The following DCC variants were observed in gnomAD, a reference collection of about 807,000 sequenced individuals.
DCC encodes DCC netrin 1 receptor.
Under a neutral mutation model 172.5 loss-of-function variants are expected in DCC, and 58 were observed. The observed-to-expected ratio is 0.34, with a 90% CI of 0.27 to 0.42. The LOEUF (loss-of-function observed/expected upper bound fraction) is 0.42. Ranked by LOEUF, DCC falls within the 10% of genes least tolerant of loss-of-function variation. The probability of loss-of-function intolerance (pLI) is 1.00; values close to 1 mark genes in which losing one functional copy is unlikely to be tolerated. For synonymous variants in DCC, 709 were observed against 644.5 expected, an observed-to-expected ratio of 1.10 and a Z score of -1.52; for missense variants, 1,740 against 1,791.0, an observed-to-expected ratio of 0.97 and a Z score of 0.51.
intron 1 of DCC, among the ~76,000 whole-genome samples, chr18:52,407,449 A>G (rs901357644): frequency 6.6e-6 from 1 of 152,070 alleles, no homozygotes; most frequent in Non-Finnish European, 1.5e-5. Flanking sequence ...CTCAAAATAA[A>G]TTAATAACCT....
intron 2 of DCC, among the ~76,000 whole-genome samples, chr18:52,813,256 A>C (rs1393261722): frequency 2.6e-5 from 2 of 77,426 alleles, no homozygotes; most frequent in Admixed American, 1.1e-4. Flanking sequence ...ATGCCACATG[A>C]ATATGAATCC....
chr18:52,981,369 G>A (rs1177783380), intron 5 of DCC, among the ~76,000 whole-genome samples: 1 of 151,936 alleles, frequency 6.6e-6, no homozygotes, highest in Admixed American at 6.6e-5. Context: ...CTCTCTCTGA[G>A]CCTTATATTT....
chr18:53,209,323 G>A (rs1367934948), intron 11 of DCC, among the ~76,000 whole-genome samples: 2 of 152,150 alleles, frequency 1.3e-5, no homozygotes, highest in African/African-American at 2.4e-5. Context: ...TGGGGCCAAC[G>A]AAAACTCAGG....
In DCC at chr18:52,406,729, AC is replaced by A. The variant is rs529497303; in HGVS notation, c.91+65852del. On this transcript the variant is annotated intron_variant, in intron 1 of 28. Coordinates refer to ENST00000442544, the MANE Select transcript of DCC (RefSeq NM_005215.4). ...TGGAATCTTGTAAAATTAAAACAAA[AC>A]AAATGTTTTACAGTTTGGGAGGTAC... is the stretch of plus-strand genomic sequence containing the variant. Among the ~76,000 whole-genome samples the A allele has an allele frequency of 2.7e-3, 417 of 152,226 alleles. 4 individuals carry two copies. Among genetic ancestry groups the A allele is most frequent in the Non-Finnish European group, 2.6e-3 (177 of 67,996 alleles).
intron 7 of DCC, among the ~76,000 whole-genome samples, chr18:53,143,654 G>C (rs2043863897): frequency 6.6e-6 from 1 of 152,182 alleles, no homozygotes. Flanking sequence ...AGTGAGTTAG[G>C]TTTTGTAACT....
At chr18:53,118,982 A>C (rs966012084) in intron 7 of DCC, among the ~76,000 whole-genome samples, 2 of 151,850 alleles carry the variant, frequency 1.3e-5, no homozygotes, top group African/African-American at 4.8e-5. Context: ...GCCACAAATT[A>C]TTCCTCAAAC....
At chr18:52,385,443 T>C (rs528805950) in intron 1 of DCC, among the ~76,000 whole-genome samples, 105 of 152,104 alleles carry the variant, frequency 6.9e-4, no homozygotes, top group Non-Finnish European at 1.4e-3. Context: ...ATCTGACTTA[T>C]TTTTGTATGC....
At chr18:52,696,181 T>C (rs1024148102) in intron 1 of DCC, among the ~76,000 whole-genome samples, 6 of 152,240 alleles carry the variant, frequency 3.9e-5, no homozygotes, top group African/African-American at 1.4e-4. Context: ...TGAAACATCC[T>C]TAAAGTTATA....
chr18:53,034,654 A>T (rs540016025), intron 5 of DCC, among the ~76,000 whole-genome samples: 9 of 151,444 alleles, frequency 5.9e-5, no homozygotes, highest in Admixed American at 5.9e-4. Flanking sequence ...AAGCAACCAG[A>T]GTGATCCTGA....
chr18:52,943,613 A>T (rs1489352129), intron 5 of DCC, among the ~76,000 whole-genome samples: 1 of 152,214 alleles, frequency 6.6e-6, no homozygotes, highest in Non-Finnish European at 1.5e-5. Context: ...GTTAAAATTT[A>T]AATATTTTAA....
intron 2 of DCC, among the ~76,000 whole-genome samples, chr18:52,861,486 G>A (rs1459972310): frequency 6.6e-6 from 1 of 152,096 alleles, no homozygotes; most frequent in Non-Finnish European, 1.5e-5. Context: ...CCATAAAATA[G>A]GAATGTTCAT....
intron 15 of DCC, among the ~76,000 whole-genome samples, chr18:53,359,980 C>T (rs2057927287): frequency 1.3e-5 from 2 of 152,068 alleles, no homozygotes; most frequent in Non-Finnish European, 2.9e-5. Flanking sequence ...TAGGACTAGT[C>T]ATGTCCGGGC....
At chr18:53,342,515 A>C (rs945767855) in intron 15 of DCC, among the ~76,000 whole-genome samples, 33 of 151,554 alleles carry the variant, frequency 2.2e-4, no homozygotes, top group Non-Finnish European at 4.4e-4. Context: ...ATTTATATAC[A>C]GTACATTGTG....
At chr18:52,582,277 G>C (rs1381088255) in intron 1 of DCC, among the ~76,000 whole-genome samples, 2 of 152,114 alleles carry the variant, frequency 1.3e-5, no homozygotes, top group African/African-American at 4.8e-5. Flanking sequence ...TGCTATTTAT[G>C]TGTTATTAGA....
chr18:53,110,904 T>C (rs1419119898), intron 7 of DCC, among the ~76,000 whole-genome samples: 1 of 124,560 alleles, frequency 8.0e-6, no homozygotes, highest in African/African-American at 3.2e-5. Flanking sequence ...ACTGGGTATA[T>C]ACCCAAAGGA....
chr18:52,417,271 G>C (rs2077625643), intron 1 of DCC, among the ~76,000 whole-genome samples: 1 of 152,258 alleles, frequency 6.6e-6, no homozygotes, highest in African/African-American at 2.4e-5. Context: ...TCCCTTGTGG[G>C]TAACCCGACC....
At chr18:53,530,314 C>A in intron 28 of DCC, 1 of 702,726 alleles carries the variant, frequency 1.4e-6, no homozygotes, top group Middle Eastern at 2.3e-4. Context: ...GAAACCCAAT[C>A]TTTTTGACTC....
chr18:53,406,379 T>C (rs1371551467), intron 19 of DCC, among the ~76,000 whole-genome samples: 3 of 149,210 alleles, frequency 2.0e-5, no homozygotes, highest in African/African-American at 7.3e-5. Context: ...AAAGTGTCTA[T>C]AGTAGAGTTA....
rs376403598 is a variant in DCC, at chr18:52,836,038, CT to C, written c.413-70004del. Among the ~76,000 whole-genome samples, 513 of 152,278 alleles carry C rather than the reference CT, an allele frequency of 3.4e-3. 3 individuals carry two copies. Among genetic ancestry groups the C allele is most frequent in the African/African-American group, 0.011 (475 of 41,552 alleles). On this transcript the variant is annotated intron_variant, in intron 2 of 28. Coordinates refer to ENST00000442544, the MANE Select transcript of DCC (RefSeq NM_005215.4). The stretch of plus-strand genomic sequence containing the variant: ...TGGCAGAATGGGAAGCAAACATGTC[CT>C]TCTTCACATGGCAGCAGGAAGGAGG...
Sources: allele counts gnomAD v4.1 joint callset (sites outside exome capture counted in the v4.1 genomes callset), GRCh38; gene constraint gnomAD v4.1.1; transcripts MANE v1.5; gene names NCBI Gene and HGNC (gene_info 2026-07-23, HGNC 2026-07-21).